The following DDX42 variants were observed in gnomAD, a reference collection of about 807,000 sequenced individuals.
The protein encoded by DDX42 is DEAD-box helicase 42, also known as ATP-dependent RNA helicase DDX42.
In DDX42, 22 loss-of-function variants were observed where a neutral mutation model predicts 101.5. That is an observed-to-expected ratio of 0.22 (90% CI 0.15 to 0.31). The LOEUF (loss-of-function observed/expected upper bound fraction) is 0.31. Ranked by LOEUF, DDX42 falls within the 10% of genes least tolerant of loss-of-function variation. The pLI is 1.00. For synonymous variants in DDX42, 402 were observed against 401.2 expected, an observed-to-expected ratio of 1.00 and a Z score of -0.02; for missense variants, 849 against 1,199.9, an observed-to-expected ratio of 0.71 and a Z score of 4.32.
intron 5 of DDX42, 82 bp downstream of exon 5, chr17:63,799,707 C>T (rs368875174): frequency 1.4e-6 from 2 of 1,391,388 alleles, no homozygotes; most frequent in Non-Finnish European, 2.0e-6. Context: ...TGCCTTCACT[C>T]AAAATGGCCA....
In DDX42 at chr17:63,815,490, C is replaced by T. The variant is rs1423591069; in HGVS notation, c.1903-73C>T. ...AAGTTCCCCCTTCCCACTTAATTTC[C>T]TCTTTGTCCTCGTTCTCTTCTTCTG... On this transcript the variant is annotated intron_variant, in intron 15 of 17. Transcript: ENST00000389924. 4 of 1,163,638 alleles carry T rather than the reference C, an allele frequency of 3.4e-6. No individual in the cohort carries two copies. The African/African-American group carries it at 6.2e-5, about 18-fold the overall frequency. 72.1% of individuals were successfully genotyped at this position (1,163,638 alleles called of 1,614,324 possible).
At position 63,779,120 on chromosome 17, in the gene DDX42, A is replaced by G. The variant is rs116230184; in HGVS notation, c.-17+4744A>G. The stretch of plus-strand genomic sequence containing the variant: ...ACTTTGTTTATGGCTCTATTCAGCT[A>G]ATTCTTTTCAAATTAGGTATTTCAA... On this transcript the variant is annotated intron_variant, in intron 1 of 17. Coordinates refer to ENST00000389924, the MANE Select transcript of DDX42 (RefSeq NM_203499.3). 7.1e-3 allele frequency among the ~76,000 whole-genome samples: 1,080 copies of G among 152,326 alleles called. 16 individuals carry two copies. The highest frequency in any genetic ancestry group is 0.025 in the African/African-American group (1,019 of 41,570).
At chr17:63,798,792 G>T (rs1354384599) in intron 4 of DDX42, among the ~76,000 whole-genome samples, 2 of 152,074 alleles carry the variant, frequency 1.3e-5, no homozygotes, top group Non-Finnish European at 2.9e-5. Flanking sequence ...CCTGTGCTTG[G>T]CAGTCAGTGC....
Position 63,774,243 on chromosome 17 carries a change from T to TGGCGGC in DDX42, c.-139_-134dup, listed in dbSNP as rs3834577. On this transcript the variant is annotated 5_prime_UTR_variant, in exon 1 of 18. Transcript: ENST00000389924. ...GCGGTGGCGGCGGCGGTGGTGGTGG[T>TGGCGGC]GGCGGCGGCGGCGGCGAAGGGGGCG... is the stretch of plus-strand genomic sequence containing the variant. The TGGCGGC allele has an allele frequency of 1.2e-5, 3 of 244,258 alleles. No homozygotes were observed. Among genetic ancestry groups the TGGCGGC allele is most frequent in the Non-Finnish European group, 2.3e-5 (3 of 132,916 alleles). The allele number at this position is 244,258 out of a possible 1,614,324, so 15.1% of individuals were successfully genotyped here.
intron 1 of DDX42, among the ~76,000 whole-genome samples, chr17:63,783,842 T>G (rs2039516134): frequency 6.6e-6 from 1 of 151,950 alleles, no homozygotes; most frequent in African/African-American, 2.4e-5. Flanking sequence ...GTGGTTGGAT[T>G]GATTGAGGTC....
At position 63,817,695 on chromosome 17, in the gene DDX42, C is replaced by A; in HGVS notation, c.2114C>A (p.Ser705Ter). 6.2e-7 allele frequency: 1 copy of A among 1,611,296 alleles called. No homozygotes were observed. Among genetic ancestry groups the A allele is most frequent in the South Asian group, 1.1e-5 (1 of 90,966 alleles). Residue 705 changes from serine to a stop codon, truncating the protein, a stop_gained and splice_region_variant, in exon 18 of 18, where the codon TCA becomes TAA. Transcript: ENST00000389924. LOFTEE classifies it high-confidence loss of function. ...TCCTGATGTCTCTTTCTCTTTCAGTCACAGTACAAGAGTCACTTTGTTGCA... is the reference window on the plus strand; with the variant it reads ...TCCTGATGTCTCTTTCTCTTTCAGTAACAGTACAAGAGTCACTTTGTTGCA... ...RLTAMKAAFQSQYKSHFVAAS... is the reference protein window; with the variant it reads ...RLTAMKAAFQ
intron 15 of DDX42, 56 bp downstream of exon 15, chr17:63,813,510 G>T (rs2039937975): frequency 9.9e-6 from 15 of 1,512,584 alleles, no homozygotes; most frequent in Non-Finnish European, 3.6e-6. Context: ...AGACATTTTA[G>T]CAGTCCTGGA....
At chr17:63,785,255 G>A (rs1567730351) in intron 1 of DDX42, among the ~76,000 whole-genome samples, 2 of 148,228 alleles carry the variant, frequency 1.3e-5, no homozygotes, top group Non-Finnish European at 3.0e-5. Context: ...GATCACTTGA[G>A]GCCAGGAGTT....
chr17:63,816,782 C>G (rs757897676), intron 16 of DDX42, 86 bp from the exon 17 acceptor site: 44 of 992,748 alleles, frequency 4.4e-5, no homozygotes, highest in Non-Finnish European at 6.1e-5. Context: ...GCTCCCACTT[C>G]AAGGGTTTTC....
intron 8 of DDX42, among the ~76,000 whole-genome samples, chr17:63,807,138 T>G (rs2039851901): frequency 6.7e-6 from 1 of 149,984 alleles, no homozygotes; most frequent in African/African-American, 2.5e-5. Flanking sequence ...TTCTGTTTTG[T>G]TTTTGTTTTT....
chr17:63,815,721 C>A, intron 16 of DDX42, 48 bp downstream of exon 16: 1 of 1,318,994 alleles, frequency 7.6e-7, no homozygotes, highest in Admixed American at 2.0e-5. Context: ...GTCTCATGTC[C>A]TGAAAGTCAT....
intron 15 of DDX42, among the ~76,000 whole-genome samples, chr17:63,814,017 T>C (rs2039944940): frequency 6.6e-6 from 1 of 152,048 alleles, no homozygotes; most frequent in Non-Finnish European, 1.5e-5. Flanking sequence ...TTTTTGTAAT[T>C]TTAGTAGAGA....
intron 15 of DDX42, among the ~76,000 whole-genome samples, chr17:63,814,125 C>CTCA (rs2039946458): frequency 6.6e-6 from 1 of 152,142 alleles, no homozygotes; most frequent in South Asian, 2.1e-4. Context: ...GGATTACAGG[C>CTCA]GTGAGCCACC....
intron 1 of DDX42, among the ~76,000 whole-genome samples, chr17:63,780,157 G>A (rs990987938): frequency 5.3e-5 from 8 of 152,156 alleles, no homozygotes; most frequent in African/African-American, 1.7e-4. Flanking sequence ...TTAGCCAGGC[G>A]TGGTGGCACA....
intron 11 of DDX42, chr17:63,810,251 A>ATTTTTTTTTTTTTTTTTTTTT (rs11450730): frequency 1.7e-5 from 2 of 120,910 alleles, no homozygotes; most frequent in Non-Finnish European, 3.2e-5. Context: ...CAGCCTGGCT[A>ATTTTTTTTTTTTTTTTTTTTT]TTTTTTTTTT....
rs780858678 is a variant in DDX42 at position 63,787,170 on chromosome 17, G to T, written c.121G>T (p.Ala41Ser). 5 of 1,614,140 alleles carry T rather than the reference G, an allele frequency of 3.1e-6. No individual in the cohort carries two copies. The East Asian group carries it at 1.1e-4, about 36-fold the overall frequency. ...LPQQSHSAFG[A>S]TSSSSGFGKS... ...ACAGCAGTCCCACAGTGCCTTTGGGGCAACCAGCTCTTCTTCTGGATTTGG... is the reference window on the plus strand; with the variant it reads ...ACAGCAGTCCCACAGTGCCTTTGGGTCAACCAGCTCTTCTTCTGGATTTGG... The change falls in exon 2 of 18, where the codon GCA becomes TCA. Residue 41 changes from alanine (A) to serine (S), a missense_variant. Transcript: ENST00000389924.
rs1555717986 is a variant in DDX42, at chr17:63,774,246, C to CGGCGGCGGCGGTGGT, written c.-136_-135insTGGTGGCGGCGGCGG. 7.5e-6 allele frequency: 1 copy of CGGCGGCGGCGGTGGT among 133,860 alleles called. No individual in the cohort carries two copies. 8.3% of individuals were successfully genotyped at this position (133,860 alleles called of 1,614,324 possible). On this transcript the variant is annotated 5_prime_UTR_variant, in exon 1 of 18. Coordinates refer to ENST00000389924, the MANE Select transcript of DDX42 (RefSeq NM_203499.3). ...GTGGCGGCGGCGGTGGTGGTGGTGG[C>CGGCGGCGGCGGTGGT]GGCGGCGGCGGCGAAGGGGGCGGAG...
intron 2 of DDX42, 98 bp from the exon 3 acceptor site, chr17:63,792,313 CT>C: frequency 7.5e-7 from 1 of 1,325,486 alleles, no homozygotes; most frequent in South Asian, 1.5e-5. Context: ...ATTACATCTC[CT>C]AATAATAAGA....
In DDX42 at chr17:63,809,488, G is replaced by T. The variant is rs552485668; in HGVS notation, c.1153-72G>T. ...ACTAGAGAATTAGCACTTTTGCCAG[G>T]AGTGCAACTGCTTAGAAAGTCCCTG... On this transcript the variant is annotated intron_variant, in intron 10 of 17. Coordinates refer to ENST00000389924, the MANE Select transcript of DDX42 (RefSeq NM_203499.3). The T allele has an allele frequency of 9.0e-6, 11 of 1,222,582 alleles. No homozygotes were observed. In the South Asian group the frequency reaches 1.4e-4, roughly 15 times the overall value. The allele number at this position is 1,222,582 out of a possible 1,614,324, so 75.7% of individuals were successfully genotyped here.
Sources: gnomAD v4.1 joint callset for allele counts (sites outside exome capture counted in the v4.1 genomes callset) on GRCh38, gnomAD v4.1.1 for gene constraint, MANE v1.5 for transcripts, NCBI Gene and HGNC (gene_info 2026-07-23, HGNC 2026-07-21) for gene names.